The following PDIA6 variants were observed in gnomAD, a reference collection of about 807,000 sequenced individuals.
PDIA6 encodes the protein protein disulfide isomerase family A member 6.
Under a neutral mutation model 58.4 loss-of-function variants are expected in PDIA6, and 29 were observed. The ratio of observed to expected loss-of-function variants is 0.50; its 90% CI spans 0.37 to 0.68. The LOEUF (loss-of-function observed/expected upper bound fraction) is 0.68. Among genes scored for constraint, PDIA6 ranks in the 30% least tolerant of loss-of-function variants. The pLI is 0.00. For missense variants in PDIA6, 480 were observed against 551.0 expected (o/e 0.87, Z 1.29); for synonymous variants, 192 against 202.6 (o/e 0.95, Z 0.44).
upstream of PDIA6, among the ~76,000 whole-genome samples, chr2:10,833,968 A>G (rs948427268): frequency 6.6e-6 from 1 of 152,218 alleles, no homozygotes; most frequent in African/African-American, 2.4e-5. Context: ...TGTTTCTCTT[A>G]TCTTTGGATG....
intron 4 of PDIA6, among the ~76,000 whole-genome samples, 165 bp from the exon 5 acceptor site, chr2:10,793,367 T>C (rs1734427): frequency 0.25 from 38,198 of 152,086 alleles, 5,381 homozygotes; most frequent in East Asian, 0.39. Flanking sequence ...ACAATGCATT[T>C]TGCACTAAAC....
At chr2:10,798,385 T>G (rs1019103385) in intron 2 of PDIA6, among the ~76,000 whole-genome samples, 1 of 151,862 alleles carries the variant, frequency 6.6e-6, no homozygotes, top group African/African-American at 2.4e-5. Context: ...CTGGCCAACA[T>G]GGTGACACCC....
chr2:10,818,490 A>C (rs866221774), intron 2 of PDIA6, among the ~76,000 whole-genome samples: 1,258 of 81,996 alleles, frequency 0.015, 29 homozygotes, highest in African/African-American at 0.052. Flanking sequence ...TAATTTATTT[A>C]TTTATTTATT....
At chr2:10,799,081 C>A (rs1397955598) in intron 2 of PDIA6, among the ~76,000 whole-genome samples, 6 of 152,124 alleles carry the variant, frequency 3.9e-5, no homozygotes, top group African/African-American at 1.4e-4. Flanking sequence ...GGAAAAACAA[C>A]CTTAACCTTG....
At chr2:10,798,621 T>G (rs1222912051) in intron 2 of PDIA6, among the ~76,000 whole-genome samples, 1 of 151,746 alleles carries the variant, frequency 6.6e-6, no homozygotes, top group African/African-American at 2.4e-5. Flanking sequence ...TAAATCACAT[T>G]TAAACTCTAT....
intron 1 of PDIA6, among the ~76,000 whole-genome samples, chr2:10,831,138 C>T (rs1667700605): frequency 1.3e-5 from 2 of 152,212 alleles, no homozygotes; most frequent in Admixed American, 6.5e-5. Flanking sequence ...GGGTTGGCCT[C>T]ACCCTTGGCA....
intron 11 of PDIA6, among the ~76,000 whole-genome samples, chr2:10,786,002 C>T (rs1665716719): frequency 1.3e-5 from 2 of 152,284 alleles, no homozygotes; most frequent in South Asian, 4.1e-4. Flanking sequence ...GCGTGAGCCA[C>T]CGCACCCAGC....
intron 1 of PDIA6, among the ~76,000 whole-genome samples, chr2:10,831,855 G>A (rs533434900): frequency 6.6e-6 from 1 of 151,964 alleles, no homozygotes; most frequent in East Asian, 1.9e-4. Flanking sequence ...GCCAGTCATG[G>A]GGTGTGAATG....
At chr2:10,833,993 C>T (rs1053963102), upstream of PDIA6, among the ~76,000 whole-genome samples, 26 of 152,208 alleles carry the variant, frequency 1.7e-4, 1 homozygote, top group East Asian at 5.8e-4. Flanking sequence ...CACACGGAAG[C>T]GGAATTCTAA....
At position 10,793,202 on chromosome 2, in the gene PDIA6, C is replaced by G. The variant is rs773496098; in HGVS notation, c.347G>C (p.Gly116Ala). ...SNKNRPEDYQ[G>A]GRTGEAIVDA... ...TACAATGGCTTCACCAGTTCTGCCA[C>G]CTACAGGAGACGGAAGGTAGGCGGT... The change falls in exon 5 of 13, where the codon GGT becomes GCT. Residue 116 changes from glycine to alanine, a missense_variant and splice_region_variant. Gly to Ala is a moderately conservative substitution (Grantham distance 60). Transcript: ENST00000272227. 1.9e-6 allele frequency: 3 copies of G among 1,607,494 alleles called. No homozygotes were observed. The Admixed American group carries it at 5.1e-5, about 27-fold the overall frequency.
upstream of PDIA6, among the ~76,000 whole-genome samples, chr2:10,816,698 A>G (rs890385347): frequency 2.0e-5 from 3 of 151,910 alleles, no homozygotes; most frequent in Non-Finnish European, 2.9e-5. Context: ...TTCTTTGTAC[A>G]GCCTTCCTTT....
rs757645050 is a variant in PDIA6, at chr2:10,789,833, A to G, written c.756T>C (p.Tyr252=). The change falls in exon 8 of 13, where the codon TAT becomes TAC. Residue 252 remains tyrosine (Y), a synonymous_variant. Coordinates refer to ENST00000272227, the MANE Select transcript of PDIA6 (RefSeq NM_005742.4). ...IFQKGESPVD[Y]DGGRTRSDIV... ...TGTCGGATCTTGTCCGCCCACCGTC[A>G]TAATCCACAGGAGACTCGCCTTTCT... 6.2e-7 allele frequency: 1 copy of G among 1,613,942 alleles called. No individual in the cohort carries two copies. Among genetic ancestry groups the G allele is most frequent in the Non-Finnish European group, 8.5e-7 (1 of 1,179,844 alleles).
chr2:10,814,481 G>A (rs565454223), upstream of PDIA6, among the ~76,000 whole-genome samples: 1 of 152,256 alleles, frequency 6.6e-6, no homozygotes. Context: ...CTGCGAGCCT[G>A]TTCCTCCAGG....
intron 4 of PDIA6, among the ~76,000 whole-genome samples, chr2:10,794,210 C>A (rs897884974): frequency 6.6e-6 from 1 of 152,032 alleles, no homozygotes; most frequent in East Asian, 1.9e-4. Flanking sequence ...CTTTGGGAGG[C>A]AGAGGCACGT....
upstream of PDIA6, among the ~76,000 whole-genome samples, chr2:10,836,052 C>CA (rs36107200): frequency 0.59 from 86,003 of 146,684 alleles, 24,985 homozygotes; most frequent in East Asian, 0.81. Flanking sequence ...GACTCTGTCT[C>CA]AAAAAAAAAA....
At chr2:10,807,655 T>G (rs758108323) in intron 1 of PDIA6, among the ~76,000 whole-genome samples, 1 of 152,204 alleles carries the variant, frequency 6.6e-6, no homozygotes, top group Non-Finnish European at 1.5e-5. Context: ...TTAGTTACAT[T>G]TTCACATGCT....
chr2:10,809,531 T>C (rs901664148), intron 1 of PDIA6, among the ~76,000 whole-genome samples: 2 of 145,796 alleles, frequency 1.4e-5, no homozygotes, highest in Non-Finnish European at 3.0e-5. Flanking sequence ...AAATATGAAA[T>C]ACAAAAATGC....
Position 10,784,229 on chromosome 2 carries a change from A to G in PDIA6, c.*29T>C. On this transcript the variant is annotated 3_prime_UTR_variant, in exon 13 of 13. Coordinates refer to ENST00000272227, the MANE Select transcript of PDIA6 (RefSeq NM_005742.4). ...AAAATCCACTGGCTCCCAAGAAAAGAAAATGGTCTGAAGCCTCTGTTGTGG... is the reference window on the plus strand; with the variant it reads ...AAAATCCACTGGCTCCCAAGAAAAGGAAATGGTCTGAAGCCTCTGTTGTGG... 6.3e-7 allele frequency: 1 copy of G among 1,581,472 alleles called. No homozygotes were observed. Among genetic ancestry groups the G allele is most frequent in the African/African-American group, 1.4e-5 (1 of 73,966 alleles).
intron 2 of PDIA6, among the ~76,000 whole-genome samples, chr2:10,798,053 G>A (rs2148547162): frequency 6.6e-6 from 1 of 152,146 alleles, no homozygotes; most frequent in Admixed American, 6.5e-5. Context: ...AGGCGTGGTG[G>A]TGCACGCTTG....
Sources: allele counts gnomAD v4.1 joint callset (sites outside exome capture counted in the v4.1 genomes callset), GRCh38; gene constraint gnomAD v4.1.1; transcripts MANE v1.5; gene names NCBI Gene and HGNC (gene_info 2026-07-23, HGNC 2026-07-21).